ITFG1: variants seen among roughly 807,000 people sequenced by gnomAD.
ITFG1 encodes the protein integrin alpha FG-GAP repeat containing 1, also known as T-cell immunomodulatory protein.
ITFG1 carries 34 observed loss-of-function variants against 81.8 expected under a neutral mutation model. The observed-to-expected ratio is 0.42, with a 90% CI of 0.32 to 0.55. The LOEUF is 0.55. Ranked by LOEUF, ITFG1 falls within the 20% of genes least tolerant of loss-of-function variation. The pLI, the probability that ITFG1 is intolerant of heterozygous loss-of-function variation, is 0.17. For missense variants in ITFG1, 672 were observed against 755.4 expected, an observed-to-expected ratio of 0.89 and a Z score of 1.29; for synonymous variants, 285 against 270.6, an observed-to-expected ratio of 1.05 and a Z score of -0.52.
At chr16:47,323,651 C>CAA (rs34467697) in intron 8 of ITFG1, among the ~76,000 whole-genome samples, 15,793 of 151,698 alleles carry the variant, frequency 0.1, 1,704 homozygotes, top group African/African-American at 0.28. Context: ...TTTGATAAAG[C>CAA]AGTCATGACC....
chr16:47,398,684 T>C (rs535650214), intron 6 of ITFG1, among the ~76,000 whole-genome samples: 2 of 152,350 alleles, frequency 1.3e-5, no homozygotes, highest in South Asian at 2.1e-4. Context: ...ATGAATCAGA[T>C]CTTTTCTGTC....
chr16:47,418,406 T>C (rs1474884435), intron 6 of ITFG1, among the ~76,000 whole-genome samples: 1 of 152,116 alleles, frequency 6.6e-6, no homozygotes, highest in African/African-American at 2.4e-5. Flanking sequence ...CTTTTTTTTG[T>C]TTTTGAAATT....
intron 10 of ITFG1, among the ~76,000 whole-genome samples, chr16:47,288,666 A>C (rs1966879679): frequency 6.6e-6 from 1 of 152,048 alleles, no homozygotes; most frequent in Non-Finnish European, 1.5e-5. Flanking sequence ...CCAAAGGCCA[A>C]GGTAGGAAGA....
intron 14 of ITFG1, among the ~76,000 whole-genome samples, chr16:47,181,417 C>A (rs1331689040): frequency 6.1e-5 from 9 of 147,350 alleles, no homozygotes; most frequent in Non-Finnish European, 1.2e-4. Context: ...GTCAGCCCCC[C>A]CGCCCGGCCA....
intron 6 of ITFG1, among the ~76,000 whole-genome samples, chr16:47,392,637 AATTT>A (rs1968547016): frequency 1.3e-5 from 2 of 152,282 alleles, no homozygotes; most frequent in African/African-American, 4.8e-5. Context: ...CTTCTTAATT[AATTT>A]ATCAATGAAG....
intron 7 of ITFG1, among the ~76,000 whole-genome samples, chr16:47,369,666 C>CT (rs531569811): frequency 1.3e-5 from 2 of 151,908 alleles, no homozygotes; most frequent in African/African-American, 4.8e-5. Flanking sequence ...AACAATACTA[C>CT]TTTTTTTTAT....
At chr16:47,328,549 G>C (rs955152769) in intron 8 of ITFG1, among the ~76,000 whole-genome samples, 1 of 151,964 alleles carries the variant, frequency 6.6e-6, no homozygotes, top group African/African-American at 2.4e-5. Context: ...AGGAAATTTA[G>C]ACACATTTCT....
intron 14 of ITFG1, among the ~76,000 whole-genome samples, chr16:47,184,328 A>G (rs1191069297): frequency 6.6e-6 from 1 of 152,210 alleles, no homozygotes; most frequent in African/African-American, 2.4e-5. Context: ...CATAATTGTC[A>G]GATTCACCAA....
At chr16:47,181,329 G>A (rs1965111432) in intron 14 of ITFG1, among the ~76,000 whole-genome samples, 1 of 151,496 alleles carries the variant, frequency 6.6e-6, no homozygotes, top group Admixed American at 6.6e-5. Flanking sequence ...CCGCCTGGCA[G>A]CCGCCCCGTC....
intron 8 of ITFG1, among the ~76,000 whole-genome samples, chr16:47,321,062 A>G (rs139215039): frequency 6.6e-6 from 1 of 152,382 alleles, no homozygotes; most frequent in East Asian, 1.9e-4. Context: ...ATTACAGAGT[A>G]GAACATGGCA....
At chr16:47,364,097 T>G (rs878918079) in intron 8 of ITFG1, among the ~76,000 whole-genome samples, 1 of 152,214 alleles carries the variant, frequency 6.6e-6, no homozygotes, top group Non-Finnish European at 1.5e-5. Flanking sequence ...ATTTTTGATA[T>G]GTTAATATTC....
At chr16:47,175,650 C>G (rs1210734495) in intron 14 of ITFG1, among the ~76,000 whole-genome samples, 1 of 152,186 alleles carries the variant, frequency 6.6e-6, no homozygotes, top group Non-Finnish European at 1.5e-5. Flanking sequence ...TTACTCCTTG[C>G]CTCTCTATCC....
intron 10 of ITFG1, among the ~76,000 whole-genome samples, chr16:47,281,872 T>A (rs1488063707): frequency 6.6e-6 from 1 of 152,040 alleles, no homozygotes; most frequent in East Asian, 1.9e-4. Flanking sequence ...ATTTATTTAT[T>A]TTTATAGATT....
At chr16:47,255,984 T>C (rs990739532) in intron 12 of ITFG1, among the ~76,000 whole-genome samples, 2 of 152,212 alleles carry the variant, frequency 1.3e-5, no homozygotes, top group Non-Finnish European at 2.9e-5. Flanking sequence ...TTTTTTTATT[T>C]TTTTTTTTGA....
chr16:47,318,305 T>C (rs1034372257), intron 8 of ITFG1, among the ~76,000 whole-genome samples: 2 of 152,062 alleles, frequency 1.3e-5, no homozygotes, highest in Non-Finnish European at 2.9e-5. Context: ...TTGAGATGGT[T>C]TCATAATGGT....
intron 10 of ITFG1, among the ~76,000 whole-genome samples, chr16:47,287,146 G>A (rs996566033): frequency 2.0e-5 from 3 of 152,156 alleles, no homozygotes; most frequent in African/African-American, 7.2e-5. Flanking sequence ...AACTAGACCC[G>A]AAGACCATTC....
intron 13 of ITFG1, among the ~76,000 whole-genome samples, chr16:47,233,172 T>C (rs1218944270): frequency 1.3e-5 from 2 of 152,124 alleles, no homozygotes; most frequent in African/African-American, 2.4e-5. Context: ...CTAGTTCTCA[T>C]AATAAGAAAA....
intron 8 of ITFG1, among the ~76,000 whole-genome samples, chr16:47,363,376 A>C (rs1968134071): frequency 6.6e-6 from 1 of 152,134 alleles, no homozygotes; most frequent in African/African-American, 2.4e-5. Flanking sequence ...TCTTTAAAAA[A>C]ATTTTTTTTA....
intron 14 of ITFG1, among the ~76,000 whole-genome samples, chr16:47,201,071 T>G (rs560735772): frequency 1.3e-5 from 2 of 152,308 alleles, no homozygotes; most frequent in East Asian, 3.9e-4. Flanking sequence ...ATATTTGTTC[T>G]CTACAGATTT....
Sources: allele counts gnomAD v4.1 joint callset (sites outside exome capture counted in the v4.1 genomes callset), GRCh38; gene constraint gnomAD v4.1.1; transcripts MANE v1.5; gene names NCBI Gene and HGNC (gene_info 2026-07-23, HGNC 2026-07-21).